Variants in NAV3 observed in about 807,000 individuals in gnomAD.
The protein encoded by NAV3 is neuron navigator 3.
A neutral mutation model predicts 244.7 loss-of-function variants in NAV3; 87 were observed. That is an observed-to-expected ratio of 0.36 (90% CI 0.30 to 0.42). NAV3 has a LOEUF of 0.42. Ranked by LOEUF, NAV3 falls within the 20% of genes least tolerant of loss-of-function variation. The pLI, the probability that NAV3 is intolerant of heterozygous loss-of-function variation, is 1.00. For synonymous variants in NAV3, 1,126 were observed against 1,042.2 expected, an observed-to-expected ratio of 1.08 and a Z score of -1.55; for missense variants, 2,663 against 2,893.3, an observed-to-expected ratio of 0.92 and a Z score of 1.83.
At chr12:78,051,440 G>A (rs1470256187) in intron 11 of NAV3, among the ~76,000 whole-genome samples, 3 of 152,100 alleles carry the variant, frequency 2.0e-5, no homozygotes, top group Admixed American at 6.5e-5. Context: ...AACAGATTTT[G>A]TAGTTAAGGA....
intron 1 of NAV3, among the ~76,000 whole-genome samples, chr12:77,885,517 T>C (rs902084292): frequency 6.6e-6 from 1 of 152,150 alleles, no homozygotes; most frequent in African/African-American, 2.4e-5. Flanking sequence ...GTATTGGCCA[T>C]ATATGAAGTT....
intron 34 of NAV3, among the ~76,000 whole-genome samples, chr12:78,192,827 A>G (rs112984776): frequency 7.2e-5 from 11 of 152,294 alleles, no homozygotes; most frequent in East Asian, 5.8e-4. Context: ...TGAACAAGCT[A>G]TCAGTAATGC....
chr12:77,822,791 G>A (rs962528654), intron 2 of NAV3, among the ~76,000 whole-genome samples: 2 of 152,078 alleles, frequency 1.3e-5, no homozygotes, highest in Non-Finnish European at 2.9e-5. Flanking sequence ...ATTCTCTGGG[G>A]TTTAAGGGAA....
chr12:77,888,368 T>C (rs1159307178), intron 1 of NAV3, among the ~76,000 whole-genome samples: 1 of 152,006 alleles, frequency 6.6e-6, no homozygotes, highest in Non-Finnish European at 1.5e-5. Context: ...TCCCAGCTAC[T>C]GGGGAGGTTG....
At chr12:77,778,109 T>C (rs1356629171) in intron 2 of NAV3, among the ~76,000 whole-genome samples, 1 of 149,832 alleles carries the variant, frequency 6.7e-6, no homozygotes, top group African/African-American at 2.5e-5. Flanking sequence ...GTAAGTTTCC[T>C]CCTTCCTTTC....
chr12:77,715,527 T>C (rs1203542834), intron 2 of NAV3, among the ~76,000 whole-genome samples: 1 of 151,946 alleles, frequency 6.6e-6, no homozygotes, highest in Non-Finnish European at 1.5e-5. Flanking sequence ...GTGGATAAAA[T>C]ATAATTTTTA....
At chr12:77,893,745 T>A (rs1884237273) in intron 1 of NAV3, among the ~76,000 whole-genome samples, 1 of 152,218 alleles carries the variant, frequency 6.6e-6, no homozygotes, top group Admixed American at 6.5e-5. Flanking sequence ...GAACAGTGAC[T>A]ACAGCAACTT....
intron 2 of NAV3, among the ~76,000 whole-genome samples, chr12:77,669,319 T>A (rs1034094173): frequency 2.0e-5 from 3 of 152,024 alleles, no homozygotes; most frequent in Admixed American, 6.6e-5. Context: ...AGGCAACAAA[T>A]AGCACGATGA....
At chr12:77,742,755 TG>T (rs1857154262) in intron 2 of NAV3, among the ~76,000 whole-genome samples, 1 of 152,014 alleles carries the variant, frequency 6.6e-6, no homozygotes, top group Non-Finnish European at 1.5e-5. Context: ...ATACTGTACT[TG>T]TATAATAATT....
chr12:77,801,068 A>T (rs1252104016), intron 2 of NAV3, among the ~76,000 whole-genome samples: 1 of 152,120 alleles, frequency 6.6e-6, no homozygotes, highest in Non-Finnish European at 1.5e-5. Context: ...TCTAATTCAG[A>T]TTCTAATCCA....
intron 1 of NAV3, among the ~76,000 whole-genome samples, chr12:77,873,744 G>GTGTGTGTATATATATATATATATA (rs776225440): frequency 1.4e-5 from 1 of 73,178 alleles, no homozygotes; most frequent in African/African-American, 4.5e-5. Flanking sequence ...ATGTGTGTGT[G>GTGTGTGTATATATATATATATATA]TATATATATA....
chr12:78,205,744 CTT>C (rs1960230068), intron 39 of NAV3, among the ~76,000 whole-genome samples: 1 of 151,942 alleles, frequency 6.6e-6, no homozygotes, highest in African/African-American at 2.4e-5. Context: ...AAAAAAAACA[CTT>C]TTTATATATC....
At chr12:77,813,952 C>T (rs1049723510) in intron 2 of NAV3, among the ~76,000 whole-genome samples, 1 of 152,160 alleles carries the variant, frequency 6.6e-6, no homozygotes, top group Admixed American at 6.5e-5. Context: ...TAGCTCACTA[C>T]AAAACTGATA....
At chr12:77,607,708 C>T (rs1870733269) in intron 2 of NAV3, among the ~76,000 whole-genome samples, 1 of 152,054 alleles carries the variant, frequency 6.6e-6, no homozygotes, top group Non-Finnish European at 1.5e-5. Context: ...GTCTTAACCC[C>T]ATACCATTTC....
intron 2 of NAV3, among the ~76,000 whole-genome samples, chr12:77,650,102 AT>A (rs1872759925): frequency 6.6e-6 from 1 of 152,088 alleles, no homozygotes; most frequent in Non-Finnish European, 1.5e-5. Context: ...TTAGATTAGT[AT>A]TTCCTAAGTG....
chr12:77,833,424 TC>T (rs1439088236), intron 1 of NAV3, among the ~76,000 whole-genome samples: 2 of 152,202 alleles, frequency 1.3e-5, no homozygotes, highest in African/African-American at 4.8e-5. Context: ...TGTTTCCTTG[TC>T]CCCCTCACAG....
chr12:77,986,535 AGG>A (rs1432172407), intron 5 of NAV3, among the ~76,000 whole-genome samples: 2 of 152,134 alleles, frequency 1.3e-5, no homozygotes, highest in African/African-American at 2.4e-5. Context: ...TATGAGGTTG[AGG>A]TATTAGGTTT....
At chr12:78,122,450 G>A (rs2138708936) in intron 16 of NAV3, 22 bp downstream of exon 16, 1 of 1,555,894 alleles carries the variant, frequency 6.4e-7, no homozygotes, top group Non-Finnish European at 8.6e-7. Context: ...TGGAGGCATT[G>A]ATAACATCTT....
At chr12:78,081,297 T>G (rs560487003) in intron 12 of NAV3, among the ~76,000 whole-genome samples, 1 of 152,298 alleles carries the variant, frequency 6.6e-6, no homozygotes, top group South Asian at 2.1e-4. Flanking sequence ...CTCTTATGCC[T>G]TTTATGATTC....
Sources: allele counts gnomAD v4.1 joint callset (sites outside exome capture counted in the v4.1 genomes callset), GRCh38; gene constraint gnomAD v4.1.1; transcripts MANE v1.5; gene names NCBI Gene and HGNC (gene_info 2026-07-23, HGNC 2026-07-21).